KCNA6: variants seen among roughly 807,000 people sequenced by gnomAD.
KCNA6 encodes the protein human brain potassium channel-2.
A neutral mutation model predicts 29.5 loss-of-function variants in KCNA6; 17 were observed. The ratio of observed to expected loss-of-function variants is 0.58; its 90% CI spans 0.39 to 0.86. The LOEUF (loss-of-function observed/expected upper bound fraction) is 0.86. Among genes scored for constraint, KCNA6 ranks in the 40% least tolerant of loss-of-function variants. KCNA6 has a pLI of 0.00. For missense variants in KCNA6, 450 were observed against 703.4 expected (o/e 0.64, Z 4.07); for synonymous variants, 296 against 304.7 (o/e 0.97, Z 0.30).
chr12:4,835,502 C>A, the KCNA6 span, among the ~76,000 whole-genome samples: 1 of 151,982 alleles, frequency 6.6e-6, no homozygotes. Context: ...GTTCCCACTT[C>A]CTACTTAGCC....
chr12:4,842,012 C>T, the KCNA6 span, among the ~76,000 whole-genome samples: 2 of 124,978 alleles, frequency 1.6e-5, no homozygotes, highest in South Asian at 3.0e-4. Flanking sequence ...ATGGAGCTTA[C>T]GTGTGTGTGT....
chr12:4,847,528 G>A, the KCNA6 span, among the ~76,000 whole-genome samples: 2 of 151,900 alleles, frequency 1.3e-5, no homozygotes, highest in African/African-American at 4.8e-5. Context: ...GATTTTGGCT[G>A]TCATATTTTT....
At chr12:4,849,770 GCA>G in the KCNA6 span, among the ~76,000 whole-genome samples, 1 of 152,324 alleles carries the variant, frequency 6.6e-6, no homozygotes, top group South Asian at 2.1e-4. Flanking sequence ...TATTGCATGG[GCA>G]CAATCATGAT....
chr12:4,829,835 G>T, the KCNA6 span, among the ~76,000 whole-genome samples: 1 of 152,084 alleles, frequency 6.6e-6, no homozygotes, highest in Non-Finnish European at 1.5e-5. Context: ...TTTCACCATT[G>T]AACATCGTAA....
In KCNA6 at chr12:4,811,272, G is replaced by A. The variant is rs868802016; in HGVS notation, c.1231G>A (p.Asp411Asn). The change falls in exon 1 of 1, where the codon GAT (aspartate) becomes AAT (asparagine). Residue 411 changes from aspartate to asparagine, a missense_variant. Coordinates refer to ENST00000280684, the Ensembl canonical transcript of KCNA6. This position sits in a 1 kb window ranked among gnomAD's most constrained non-coding sequence, Gnocchi z 7.1. ...CGATTCGCTTTTTCCCAGCATCCCG[G>A]ATGCCTTCTGGTGGGCAGTGGTTAC... is the stretch of plus-strand genomic sequence containing the variant. The A allele has an allele frequency of 6.2e-7, 1 of 1,614,116 alleles. No homozygotes were observed. The highest frequency in any genetic ancestry group is 8.5e-7 in the Non-Finnish European group (1 of 1,180,048).
At chr12:4,827,168 CCTT>C in the KCNA6 span, among the ~76,000 whole-genome samples, 37 of 123,628 alleles carry the variant, frequency 3.0e-4, no homozygotes, top group Non-Finnish European at 5.1e-4. Flanking sequence ...TTCCTTCCCT[CCTT>C]CTTTCCTTCC....
rs1352954679 is a variant in KCNA6 at position 4,810,891 on chromosome 12, G to T, written c.850G>T (p.Ala284Ser). 1 of 1,613,884 alleles carries T rather than the reference G, an allele frequency of 6.2e-7. No individual in the cohort carries two copies. Among genetic ancestry groups the T allele is most frequent in the East Asian group, 2.2e-5 (1 of 44,866 alleles). The change falls in exon 1 of 1, where the codon GCC (alanine) becomes TCC (serine). Residue 284 changes from alanine to serine, a missense_variant. Transcript: ENST00000280684. This position sits in a 1 kb window ranked among gnomAD's most constrained non-coding sequence, Gnocchi z 7.5. ...TTTTGAGCTCCTGGTGCGCTTCTCC[G>T]CCTGCCCTAGCAAGCCGGCCTTCTT...
chr12:4,836,578 T>C, the KCNA6 span, among the ~76,000 whole-genome samples: 2 of 152,098 alleles, frequency 1.3e-5, no homozygotes, highest in African/African-American at 4.8e-5. Context: ...TTGGGATATA[T>C]GGAGTGAGAG....
the KCNA6 span, among the ~76,000 whole-genome samples, chr12:4,848,069 A>G: frequency 1.3e-5 from 2 of 152,182 alleles, no homozygotes; most frequent in East Asian, 3.8e-4. Flanking sequence ...AGAGCCTTAT[A>G]TGGTGCCAGC....
the KCNA6 span, among the ~76,000 whole-genome samples, chr12:4,821,363 T>TGCACACGCAGGTGCCCAG: frequency 9.9e-5 from 15 of 152,216 alleles, no homozygotes; most frequent in Admixed American, 9.8e-4. Context: ...AGCATACGTG[T>TGCACACGCAGGTGCCCAG]GCACACGCAG....
chr12:4,822,885 T>C, the KCNA6 span, among the ~76,000 whole-genome samples: 1 of 152,252 alleles, frequency 6.6e-6, no homozygotes, highest in African/African-American at 2.4e-5. Flanking sequence ...CCTGGGTTAT[T>C]CCCAGTTGGT....
At chr12:4,838,065 TATC>T in the KCNA6 span, among the ~76,000 whole-genome samples, 2 of 152,124 alleles carry the variant, frequency 1.3e-5, no homozygotes, top group Admixed American at 1.3e-4. Context: ...ATGGGGTGGT[TATC>T]ATCATCTGAC....
the KCNA6 span, among the ~76,000 whole-genome samples, chr12:4,835,640 A>T: frequency 6.6e-6 from 1 of 152,116 alleles, no homozygotes; most frequent in Non-Finnish European, 1.5e-5. Flanking sequence ...CTCATGGGAC[A>T]ACAGTCAACC....
chr12:4,837,178 C>T, the KCNA6 span, among the ~76,000 whole-genome samples: 9 of 152,338 alleles, frequency 5.9e-5, no homozygotes, highest in African/African-American at 1.7e-4. Flanking sequence ...CCAAAAAGGA[C>T]TGGTTTCAAA....
At position 4,811,657 on chromosome 12, in the gene KCNA6, G is replaced by C. The variant is rs1364893565; in HGVS notation, c.*26G>C. The C allele has an allele frequency of 1.9e-6, 3 of 1,596,536 alleles. No homozygotes were observed. The highest frequency in any genetic ancestry group is 1.1e-5 in the South Asian group (1 of 88,566). On this transcript the variant is annotated 3_prime_UTR_variant, in exon 1 of 1. Coordinates refer to ENST00000280684, the Ensembl canonical transcript of KCNA6. This position sits in a 1 kb window ranked among gnomAD's most constrained non-coding sequence, Gnocchi z 7.1. ...CCCATGCAGGCAGGGCCTGCAGGAG[G>C]GGAGCACTGAGCTAACAGTCTCTTA...
At chr12:4,828,980 C>T in the KCNA6 span, among the ~76,000 whole-genome samples, 2 of 152,140 alleles carry the variant, frequency 1.3e-5, no homozygotes, top group South Asian at 2.1e-4. Flanking sequence ...GTGTGTTTGA[C>T]GAGCTTGGGG....
At chr12:4,820,594 CTT>C in the KCNA6 span, among the ~76,000 whole-genome samples, 3 of 149,754 alleles carry the variant, frequency 2.0e-5, no homozygotes, top group East Asian at 3.9e-4. Flanking sequence ...CACACACACT[CTT>C]AAAAATAACT....
the KCNA6 span, chr12:4,839,201 G>C: frequency 6.6e-6 from 1 of 152,108 alleles, no homozygotes; most frequent in Non-Finnish European, 1.5e-5. Flanking sequence ...AACAACATGG[G>C]TTTAAACTGC....
downstream of KCNA6, among the ~76,000 whole-genome samples, chr12:4,816,844 C>T (rs139932930): frequency 8.3e-3 from 1,257 of 152,184 alleles, 10 homozygotes; most frequent in African/African-American, 0.028. Context: ...TTCAATGATT[C>T]TCTCCCAGAC....
Sources: allele counts gnomAD v4.1 joint callset (sites outside exome capture counted in the v4.1 genomes callset), GRCh38; gene constraint gnomAD v4.1.1; non-coding constraint Gnocchi (gnomAD v3.1); transcripts MANE v1.5; gene names NCBI Gene and HGNC (gene_info 2026-07-23, HGNC 2026-07-21).